CORIN: variants seen among roughly 807,000 people sequenced by gnomAD.
CORIN encodes the protein atrial natriuretic peptide-converting enzyme.
CORIN carries 117 observed loss-of-function variants against 125.3 expected under a neutral mutation model. The observed-to-expected ratio is 0.93, with a 90% confidence interval of 0.80 to 1.09. The LOEUF is 1.09. Ranked by LOEUF, CORIN falls within the 50% of genes least tolerant of loss-of-function variation. The pLI, the probability that CORIN is intolerant of heterozygous loss-of-function variation, is 0.00. For missense variants in CORIN, 1,253 were observed against 1,306.7 expected (o/e 0.96, Z 0.63); for synonymous variants, 450 against 466.4 (o/e 0.96, Z 0.45).
At chr4:47,679,958 C>T (rs931245644) in intron 8 of CORIN, 183 bp downstream of exon 8, 14 of 472,600 alleles carry the variant, frequency 3.0e-5, no homozygotes, top group Non-Finnish European at 4.9e-5. Context: ...AAGTCAGATA[C>T]ACTCCATTGC....
At chr4:47,689,980 A>G (rs942102047) in intron 6 of CORIN, among the ~76,000 whole-genome samples, 3 of 152,174 alleles carry the variant, frequency 2.0e-5, no homozygotes, top group African/African-American at 7.2e-5. Context: ...CTGGTTTTTG[A>G]AAATTTTTCT....
intron 19 of CORIN, among the ~76,000 whole-genome samples, chr4:47,603,989 G>C (rs1383715965): frequency 6.6e-6 from 1 of 152,160 alleles, no homozygotes; most frequent in Non-Finnish European, 1.5e-5. Context: ...AGAGAGAGGA[G>C]CAAGAGGAAA....
chr4:47,790,721 CTT>C (rs934649305), intron 2 of CORIN, among the ~76,000 whole-genome samples: 2 of 152,068 alleles, frequency 1.3e-5, no homozygotes, highest in Admixed American at 6.6e-5. Flanking sequence ...TGCTAAGGTA[CTT>C]TTAGATAAAT....
At chr4:47,786,513 C>T (rs2109916498) in intron 3 of CORIN, among the ~76,000 whole-genome samples, 1 of 152,154 alleles carries the variant, frequency 6.6e-6, no homozygotes, top group South Asian at 2.1e-4. Flanking sequence ...TGCACTTCAG[C>T]CTGGGTGACA....
chr4:47,819,537 T>C (rs1389401012), intron 1 of CORIN, among the ~76,000 whole-genome samples: 2 of 152,034 alleles, frequency 1.3e-5, no homozygotes, highest in Admixed American at 1.3e-4. Context: ...AAGGCTAATA[T>C]GAGGAACCAA....
chr4:47,676,544 C>T (rs142714556), intron 9 of CORIN, among the ~76,000 whole-genome samples: 67 of 152,282 alleles, frequency 4.4e-4, no homozygotes, highest in Middle Eastern at 3.4e-3. Flanking sequence ...CCTAATAATT[C>T]GTAGCATGCC....
chr4:47,677,993 T>C lies in CORIN; in HGVS notation c.1194A>G (p.Gln398=), dbSNP rs978702162. Residue 398 remains glutamine, a synonymous_variant, in exon 9 of 22, where the codon CAA becomes CAG. Transcript: ENST00000273857. Reference sequence around the variant, plus strand: ...CCTTGCAGTCCTCGTCACCATCACATTGAAACGTGCTGGGGATACATTGTC... The same window carrying C: ...CCTTGCAGTCCTCGTCACCATCACACTGAAACGTGCTGGGGATACATTGTC... ...RNGQCIPSTF[Q]CDGDEDCKDG... is the part of the protein sequence containing the mutation. 1 of 1,614,068 alleles carries C rather than the reference T, an allele frequency of 6.2e-7. No homozygotes were observed. The highest frequency in any genetic ancestry group is 8.5e-7 in the Non-Finnish European group (1 of 1,179,966).
At chr4:47,798,719 G>T (rs1731401668) in intron 2 of CORIN, among the ~76,000 whole-genome samples, 1 of 151,740 alleles carries the variant, frequency 6.6e-6, no homozygotes, top group South Asian at 2.1e-4. Flanking sequence ...TTTTATTTTG[G>T]ATTCAGGTAC....
intron 5 of CORIN, among the ~76,000 whole-genome samples, chr4:47,731,543 GAA>G (rs2109815043): frequency 6.6e-6 from 1 of 152,268 alleles, no homozygotes; most frequent in East Asian, 1.9e-4. Flanking sequence ...GAAGTCAGGT[GAA>G]GAGTTTATCA....
chr4:47,808,272 T>A (rs1731884347), intron 1 of CORIN, among the ~76,000 whole-genome samples: 2 of 152,194 alleles, frequency 1.3e-5, no homozygotes, highest in Admixed American at 1.3e-4. Flanking sequence ...TACCAAACTT[T>A]TTTTAAAAAA....
chr4:47,722,448 C>A (rs1287726567), intron 5 of CORIN, among the ~76,000 whole-genome samples: 2 of 152,194 alleles, frequency 1.3e-5, no homozygotes, highest in Non-Finnish European at 2.9e-5. Context: ...TTAAACATTT[C>A]AAACCTGCTA....
At chr4:47,632,347 T>A (rs1042779111) in intron 16 of CORIN, 2 of 152,222 alleles carry the variant, frequency 1.3e-5, no homozygotes, top group African/African-American at 4.8e-5. Context: ...TAAGATAAAT[T>A]TTTTGCAATT....
At chr4:47,781,171 T>C (rs1044170074) in intron 3 of CORIN, among the ~76,000 whole-genome samples, 1 of 152,196 alleles carries the variant, frequency 6.6e-6, no homozygotes, top group African/African-American at 2.4e-5. Context: ...TCCAACTATA[T>C]GCTGTCTACC....
chr4:47,606,818 C>CAAT (rs1721669984), intron 19 of CORIN, among the ~76,000 whole-genome samples: 1 of 151,920 alleles, frequency 6.6e-6, no homozygotes, highest in Non-Finnish European at 1.5e-5. Flanking sequence ...GTAATAAGTG[C>CAAT]ATTACCATCT....
At chr4:47,818,561 G>A (rs1238266078) in intron 1 of CORIN, among the ~76,000 whole-genome samples, 1 of 152,140 alleles carries the variant, frequency 6.6e-6, no homozygotes, top group Non-Finnish European at 1.5e-5. Flanking sequence ...AAACAACTGA[G>A]GAACCATGCC....
At chr4:47,695,784 G>C (rs1577836598) in intron 5 of CORIN, among the ~76,000 whole-genome samples, 1 of 152,042 alleles carries the variant, frequency 6.6e-6, no homozygotes, top group African/African-American at 2.4e-5. Flanking sequence ...CACTTTACTT[G>C]TATAAAACTG....
chr4:47,700,802 C>T (rs553349389), intron 5 of CORIN, among the ~76,000 whole-genome samples: 5 of 152,316 alleles, frequency 3.3e-5, no homozygotes, highest in Admixed American at 3.3e-4. Context: ...CATCCTACAT[C>T]CCCCTGCTTC....
rs764434569 is a variant in CORIN at position 47,799,106 on chromosome 4, G to GGTGTGT, written c.208+7791_208+7796dup. Among the ~76,000 whole-genome samples, 1,339 of 141,536 alleles carry GGTGTGT rather than the reference G, an allele frequency of 9.5e-3. 5 individuals are homozygous for GGTGTGT. The highest frequency in any genetic ancestry group is 0.01 in the Non-Finnish European group (663 of 64,232). The allele number at this position is 141,536 out of a possible 152,430, so 92.9% of individuals were successfully genotyped here. A position where few individuals can be genotyped will look rare whatever the true frequency, so the allele number is the denominator to read the frequency against. ...TTTATGGCTGCATAGTATCCCATGG[G>GGTGTGT]GTGTGTGTGTGTGTGTGTGTGTGTG... On this transcript the variant is annotated intron_variant, in intron 2 of 21. Transcript: ENST00000273857.
At position 47,794,337 on chromosome 4, in the gene CORIN, A is replaced by G. The variant is rs980832286; in HGVS notation, c.209-7412T>C. Among the ~76,000 whole-genome samples the G allele has an allele frequency of 2.0e-5, 3 of 152,176 alleles. No homozygotes were observed. The South Asian group carries it at 6.2e-4, about 32-fold the overall frequency. The stretch of plus-strand genomic sequence containing the variant: ...GTTCATCTAGCATTTTTGAGGAGAA[A>G]GGTCATTTCTGAAGAGAAATATTTT... On this transcript the variant is annotated intron_variant, in intron 2 of 21. Transcript: ENST00000273857.
Sources: allele counts gnomAD v4.1 joint callset (sites outside exome capture counted in the v4.1 genomes callset), GRCh38; gene constraint gnomAD v4.1.1; transcripts MANE v1.5; gene names NCBI Gene and HGNC (gene_info 2026-07-23, HGNC 2026-07-21).